Variants in A1CF observed in about 807,000 individuals in gnomAD.
A1CF encodes the protein APOBEC-1 stimulating protein.
A1CF carries 48 observed loss-of-function variants against 68.9 expected under a neutral mutation model. That is an observed-to-expected ratio of 0.70 (90% confidence interval 0.55 to 0.89). The LOEUF (loss-of-function observed/expected upper bound fraction) is 0.89. Ranked by LOEUF, A1CF falls within the 40% of genes least tolerant of loss-of-function variation. A1CF has a pLI of 0.00. For synonymous variants in A1CF, 272 were observed against 260.4 expected, an observed-to-expected ratio of 1.04 and a Z score of -0.43; for missense variants, 653 against 718.9, an observed-to-expected ratio of 0.91 and a Z score of 1.05.
chr10:50,871,298 A>G (rs1841256666), intron 1 of A1CF, among the ~76,000 whole-genome samples: 1 of 151,926 alleles, frequency 6.6e-6, no homozygotes, highest in East Asian at 1.9e-4. Flanking sequence ...ACAATAGAAT[A>G]AAAACATAAA....
At chr10:50,870,902 G>C (rs10994786) in intron 1 of A1CF, among the ~76,000 whole-genome samples, 2,130 of 151,428 alleles carry the variant, frequency 0.014, 87 homozygotes, top group East Asian at 0.14. Flanking sequence ...GAACAAGATG[G>C]GATCACTACA....
At chr10:50,811,220 C>T in intron 10 of A1CF, 44 bp from the exon 11 acceptor site, 1 of 1,562,076 alleles carries the variant, frequency 6.4e-7, no homozygotes, top group Non-Finnish European at 8.7e-7. Flanking sequence ...ATGACACATT[C>T]ACATTATTTC....
At chr10:50,835,918 G>A (rs1839465490) in intron 6 of A1CF, among the ~76,000 whole-genome samples, 156 bp downstream of exon 6, 1 of 152,144 alleles carries the variant, frequency 6.6e-6, no homozygotes. Flanking sequence ...GAAAACTTCA[G>A]GGAATGGAAT....
intron 5 of A1CF, among the ~76,000 whole-genome samples, chr10:50,839,530 A>G (rs1340494102): frequency 6.6e-6 from 1 of 152,190 alleles, no homozygotes; most frequent in Non-Finnish European, 1.5e-5. Context: ...CATTCGTCCA[A>G]AGGAACCTGG....
At chr10:50,841,816 G>C in intron 5 of A1CF, 46 bp downstream of exon 5, 1 of 1,604,074 alleles carries the variant, frequency 6.2e-7, no homozygotes, top group South Asian at 1.1e-5. Context: ...AACAGACACA[G>C]GTGCATTGTT....
At chr10:50,859,808 G>A (rs757327275) in intron 3 of A1CF, 34 bp downstream of exon 3, 2 of 1,586,260 alleles carry the variant, frequency 1.3e-6, no homozygotes, top group South Asian at 2.2e-5. Context: ...TGCAAATTCA[G>A]TGGTGAGTCT....
At chr10:50,815,115 C>G (rs924087790) in intron 9 of A1CF, among the ~76,000 whole-genome samples, 1 of 152,102 alleles carries the variant, frequency 6.6e-6, no homozygotes, top group East Asian at 1.9e-4. Flanking sequence ...CAAGAATAGA[C>G]TTAAATGCAC....
chr10:50,837,490 T>C (rs1344627715), intron 5 of A1CF, among the ~76,000 whole-genome samples: 2 of 152,242 alleles, frequency 1.3e-5, no homozygotes, highest in Non-Finnish European at 2.9e-5. Flanking sequence ...GAATTTATGT[T>C]TAAGGATATT....
At chr10:50,856,086 C>A (rs995350135) in intron 3 of A1CF, among the ~76,000 whole-genome samples, 2 of 151,862 alleles carry the variant, frequency 1.3e-5, no homozygotes, top group Admixed American at 6.6e-5. Flanking sequence ...TTTAGGCTAC[C>A]CTTTCGACCA....
chr10:50,814,830 T>C (rs1838290007), intron 9 of A1CF, among the ~76,000 whole-genome samples: 1 of 152,220 alleles, frequency 6.6e-6, no homozygotes, highest in South Asian at 2.1e-4. Context: ...ATTTAATGTA[T>C]GGATTGGTTA....
chr10:50,831,770 A>G (rs1839257881), intron 6 of A1CF, among the ~76,000 whole-genome samples: 1 of 152,182 alleles, frequency 6.6e-6, no homozygotes, highest in Non-Finnish European at 1.5e-5. Context: ...TTGAATAGAC[A>G]TATCTCAAAA....
intron 3 of A1CF, among the ~76,000 whole-genome samples, chr10:50,844,874 T>C (rs1028272840): frequency 6.6e-6 from 1 of 152,180 alleles, no homozygotes; most frequent in Non-Finnish European, 1.5e-5. Flanking sequence ...TGTATGACTG[T>C]TGTTTAAAAT....
chr10:50,822,284 T>G (rs988503606), intron 7 of A1CF, among the ~76,000 whole-genome samples: 3 of 152,260 alleles, frequency 2.0e-5, no homozygotes, highest in Non-Finnish European at 2.9e-5. Flanking sequence ...GAAGGTAAGG[T>G]GGAAATTTGT....
intron 1 of A1CF, among the ~76,000 whole-genome samples, chr10:50,878,208 G>C (rs1475980016): frequency 6.6e-6 from 1 of 152,194 alleles, no homozygotes; most frequent in Non-Finnish European, 1.5e-5. Context: ...CAGTGATGGG[G>C]ATAGAATTAA....
chr10:50,841,975 T>G lies in A1CF; in HGVS notation c.252A>C (p.Glu84Asp). Residue 84 changes from glutamate (E) to aspartate (D), a missense_variant, in exon 5 of 13, where the codon GAA becomes GAC. By Grantham distance (45) the Glu-to-Asp change is conservative. Transcript: ENST00000373997. Reference protein sequence around the residue: ...PLCEKIGKIYEMRMMMDFNGN... With the variant: ...PLCEKIGKIYDMRMMMDFNGN... ...CATTAAAATCCATCATCATTCTCATTTCATAAATTTTACCGATCTGCAAGT... is the reference window on the plus strand; with the variant it reads ...CATTAAAATCCATCATCATTCTCATGTCATAAATTTTACCGATCTGCAAGT... 6.2e-7 allele frequency: 1 copy of G among 1,609,076 alleles called. No homozygotes were observed.
rs534988823 is a variant in A1CF at position 50,839,988 on chromosome 10, C to T, written c.365+1874G>A. ...AACTCCCAACCTCAGGTGATCCGCC[C>T]GCCTTGGCCTCCCAAAGTGCTAGGA... On this transcript the variant is annotated intron_variant, in intron 5 of 12. Transcript: ENST00000373997. Among the ~76,000 whole-genome samples the T allele has an allele frequency of 1.1e-4, 16 of 152,298 alleles. No homozygotes were observed. The East Asian group carries it at 2.1e-3, about 20-fold the overall frequency.
chr10:50,882,942 T>G (rs1282074433), intron 1 of A1CF, among the ~76,000 whole-genome samples: 1 of 152,070 alleles, frequency 6.6e-6, no homozygotes, highest in African/African-American at 2.4e-5. Context: ...GTCCCATGGG[T>G]TTGGGTGAAA....
At position 50,816,119 on chromosome 10, in the gene A1CF, C is replaced by T; in HGVS notation, c.1028G>A (p.Gly343Glu). 1.9e-6 allele frequency: 3 copies of T among 1,613,710 alleles called. No homozygotes were observed. The highest frequency in any genetic ancestry group is 2.2e-5 in the East Asian group (1 of 44,838). ...CTGGGGGGCATAGAAGACAGGAGCT[C>T]CAAGGTAGGTTGTGGTGGGATCATA... ...QVYDPTTTYL[G>E]APVFYAPQTY... The change falls in exon 9 of 13, where the codon GGA becomes GAA. Residue 343 changes from glycine to glutamate, a missense_variant. Gly to Glu is a moderately conservative substitution (Grantham distance 98). Transcript: ENST00000373997.
At chr10:50,853,717 G>T (rs1798113724) in intron 3 of A1CF, among the ~76,000 whole-genome samples, 1 of 150,260 alleles carries the variant, frequency 6.7e-6, no homozygotes, top group Non-Finnish European at 1.5e-5. Context: ...CTAATATAGA[G>T]CAGTAGGCTA....
Sources: gnomAD v4.1 joint callset for allele counts (sites outside exome capture counted in the v4.1 genomes callset) on GRCh38, gnomAD v4.1.1 for gene constraint, MANE v1.5 for transcripts, NCBI Gene and HGNC (gene_info 2026-07-23, HGNC 2026-07-21) for gene names.